The following APBB2 variants were observed in gnomAD, a reference collection of about 807,000 sequenced individuals.
APBB2 encodes the protein Fe65-like 1.
APBB2 carries 38 observed loss-of-function variants against 82.5 expected under a neutral mutation model. The observed-to-expected ratio is 0.46, with a 90% CI of 0.36 to 0.60. APBB2 has a LOEUF of 0.60. Ranked by LOEUF, APBB2 falls within the 20% of genes least tolerant of loss-of-function variation. The pLI, the probability that APBB2 is intolerant of heterozygous loss-of-function variation, is 0.00. For missense variants in APBB2, 772 were observed against 972.3 expected (o/e 0.79, Z 2.74); for synonymous variants, 341 against 368.2 (o/e 0.93, Z 0.85).
chr4:40,949,526 A>G (rs1789475881), intron 6 of APBB2, among the ~76,000 whole-genome samples: 1 of 152,182 alleles, frequency 6.6e-6, no homozygotes. Context: ...AAAGATTTTC[A>G]GAATACTGCA....
intron 3 of APBB2, among the ~76,000 whole-genome samples, chr4:41,086,327 C>T (rs1739636332): frequency 6.6e-6 from 1 of 152,122 alleles, no homozygotes; most frequent in African/African-American, 2.4e-5. Flanking sequence ...ACCAGCATTA[C>T]CCTGATACCA....
chr4:40,920,073 T>C (rs571319128), intron 10 of APBB2, among the ~76,000 whole-genome samples: 98 of 152,244 alleles, frequency 6.4e-4, no homozygotes, highest in African/African-American at 2.3e-3. Flanking sequence ...TTTGGCTGTG[T>C]CCCCACCCAA....
rs893525296 is a variant in APBB2, at chr4:41,127,822, G to A, written c.-261+15165C>T. Among the ~76,000 whole-genome samples, 2 of 152,104 alleles carry A rather than the reference G, an allele frequency of 1.3e-5. No individual in the cohort carries two copies. The highest frequency in any genetic ancestry group is 4.8e-5 in the African/African-American group (2 of 41,424). On this transcript the variant is annotated intron_variant, in intron 2 of 17. Coordinates refer to ENST00000508593, the MANE Select transcript of APBB2 (RefSeq NM_004307.2). This position sits in a 1 kb window ranked among gnomAD's most constrained non-coding sequence, Gnocchi z 4.8. ...AGGCCAGGGGCGATGGCTCATGCTT[G>A]TAATCCCAGCACTTTGGGAGGCGGA...
chr4:40,864,742 AC>A lies in APBB2; in HGVS notation c.1529+25621del, dbSNP rs1763634196. On this transcript the variant is annotated intron_variant, in intron 12 of 17. Transcript: ENST00000508593. ...GATTTGACTTATCTTCCCACCACCC[AC>A]CACCCACCAGATCTCTTCTTCCTAA... is the stretch of plus-strand genomic sequence containing the variant. 2.0e-5 allele frequency among the ~76,000 whole-genome samples: 3 copies of A among 151,468 alleles called. No individual in the cohort carries two copies. In the South Asian group the frequency reaches 6.3e-4, roughly 32 times the overall value.
chr4:41,004,173 C>G (rs1806014962), intron 6 of APBB2, among the ~76,000 whole-genome samples: 1 of 152,152 alleles, frequency 6.6e-6, no homozygotes, highest in South Asian at 2.1e-4. Context: ...CCCACCTCGG[C>G]CTCCCAAACT....
chr4:40,812,402 G>A lies in APBB2; in HGVS notation c.*3690C>T, dbSNP rs1744587805. ...AAAGGAAAACAAAGCGTTCTTTCAG[G>A]GGAAGTAAGCTGCTCTGGAGGCCAG... is the stretch of plus-strand genomic sequence containing the variant. On this transcript the variant is annotated 3_prime_UTR_variant, in exon 18 of 18. Coordinates refer to ENST00000508593, the MANE Select transcript of APBB2 (RefSeq NM_004307.2). The A allele has an allele frequency of 6.6e-6, 1 of 152,172 alleles. No homozygotes were observed. The highest frequency in any genetic ancestry group is 2.4e-5 in the African/African-American group (1 of 41,440). The allele number at this position is 152,172 out of a possible 1,614,324, so 9.4% of individuals were successfully genotyped here.
At chr4:41,168,037 G>A (rs972491778) in intron 1 of APBB2, among the ~76,000 whole-genome samples, 6 of 152,132 alleles carry the variant, frequency 3.9e-5, no homozygotes, top group Admixed American at 1.3e-4. Flanking sequence ...TTGGGAGGCC[G>A]AGGCGGGCGG....
chr4:41,135,615 G>A (rs748187800), intron 2 of APBB2, among the ~76,000 whole-genome samples: 1 of 152,046 alleles, frequency 6.6e-6, no homozygotes, highest in African/African-American at 2.4e-5. Context: ...GTTTGTTCTT[G>A]TATCAGTAAT....
At chr4:40,875,124 G>A (rs1036669869) in intron 12 of APBB2, among the ~76,000 whole-genome samples, 6 of 152,194 alleles carry the variant, frequency 3.9e-5, no homozygotes, top group Non-Finnish European at 5.9e-5. Flanking sequence ...ATGTCACATC[G>A]TGGGGTTTGG....
rs1366786130 is a variant in APBB2 at position 40,814,296 on chromosome 4, C to T, written c.*1796G>A. The T allele has an allele frequency of 6.6e-6, 1 of 152,214 alleles. No individual in the cohort carries two copies. Among genetic ancestry groups the T allele is most frequent in the Non-Finnish European group, 1.5e-5 (1 of 68,042 alleles). 9.4% of individuals were successfully genotyped at this position (152,214 alleles called of 1,614,324 possible). A position where few individuals can be genotyped will look rare whatever the true frequency, so the allele number is the denominator to read the frequency against. ...GGAATTTGGACATCTTTCTCCCACT[C>T]GTGTAGGGAATTCTAAGATTCCCTG... On this transcript the variant is annotated 3_prime_UTR_variant, in exon 18 of 18. Transcript: ENST00000508593.
chr4:40,901,093 C>T (rs931418627), intron 10 of APBB2, among the ~76,000 whole-genome samples: 3 of 152,200 alleles, frequency 2.0e-5, no homozygotes, highest in African/African-American at 4.8e-5. Context: ...AAGCCACTAA[C>T]TCTGGGATGA....
At chr4:40,847,819 T>C (rs2154320758) in intron 12 of APBB2, among the ~76,000 whole-genome samples, 1 of 152,202 alleles carries the variant, frequency 6.6e-6, no homozygotes, top group South Asian at 2.1e-4. Flanking sequence ...TTTTTTTTTT[T>C]TTTAAGAGAT....
chr4:41,077,129 C>T (rs980514430), intron 3 of APBB2, among the ~76,000 whole-genome samples: 30 of 150,942 alleles, frequency 2.0e-4, no homozygotes, highest in Non-Finnish European at 4.0e-4. Context: ...CTCAACTTCC[C>T]GAGTAACTAG....
At chr4:40,952,300 G>A (rs1054670099) in intron 6 of APBB2, among the ~76,000 whole-genome samples, 4 of 151,822 alleles carry the variant, frequency 2.6e-5, no homozygotes, top group Admixed American at 6.6e-5. Flanking sequence ...GAGGAGGTCC[G>A]GCAAGTCCAG....
intron 3 of APBB2, chr4:41,084,654 A>T (rs1278762282): frequency 6.6e-6 from 1 of 152,242 alleles, no homozygotes; most frequent in African/African-American, 2.4e-5. Context: ...AATACAGAGA[A>T]GATTAGCATG....
At chr4:41,164,993 T>C (rs1766128227) in intron 1 of APBB2, among the ~76,000 whole-genome samples, 1 of 152,232 alleles carries the variant, frequency 6.6e-6, no homozygotes, top group African/African-American at 2.4e-5. Context: ...TAAGTGAGAA[T>C]ATTTTCCCTT....
intron 7 of APBB2, among the ~76,000 whole-genome samples, chr4:40,936,979 T>C (rs1036427472): frequency 2.0e-5 from 3 of 152,194 alleles, no homozygotes; most frequent in Admixed American, 1.3e-4. Context: ...CAATTTCGGT[T>C]TGGACCACTG....
chr4:41,097,809 C>T (rs1392616622), intron 3 of APBB2, among the ~76,000 whole-genome samples: 1 of 151,890 alleles, frequency 6.6e-6, no homozygotes, highest in Non-Finnish European at 1.5e-5. Context: ...AAGACACATG[C>T]AATTAAGAAA....
chr4:41,118,907 A>C (rs1233729701), intron 2 of APBB2, among the ~76,000 whole-genome samples: 4 of 152,164 alleles, frequency 2.6e-5, no homozygotes, highest in Non-Finnish European at 5.9e-5. Context: ...TGGCAGGCTG[A>C]AGCAGGCAAA....
Sources: gnomAD v4.1 joint callset for allele counts (sites outside exome capture counted in the v4.1 genomes callset) on GRCh38, gnomAD v4.1.1 for gene constraint, Gnocchi (gnomAD v3.1) non-coding constraint, MANE v1.5 for transcripts, NCBI Gene and HGNC (gene_info 2026-07-23, HGNC 2026-07-21) for gene names.